The following NCALD variants were observed in gnomAD, a reference collection of about 807,000 sequenced individuals.
NCALD encodes the protein neurocalcin-delta.
Under a neutral mutation model 18.6 loss-of-function variants are expected in NCALD, and 10 were observed. The observed-to-expected ratio is 0.54, with a 90% CI of 0.33 to 0.91. The LOEUF is 0.91. NCALD is among the 40% of genes least tolerant of loss of function. The probability of loss-of-function intolerance (pLI) is 0.03; values close to 1 mark genes in which losing one functional copy is unlikely to be tolerated. For missense variants in NCALD, 184 were observed against 247.6 expected (o/e 0.74, Z 1.72); for synonymous variants, 88 against 87.4 (o/e 1.01, Z -0.04).
intron 2 of NCALD, among the ~76,000 whole-genome samples, chr8:101,965,103 G>A (rs1234342643): frequency 6.6e-6 from 1 of 152,132 alleles, no homozygotes; most frequent in Non-Finnish European, 1.5e-5. Flanking sequence ...TCATTAAAAA[G>A]TCAATAAACA....
chr8:102,018,252 C>T (rs1453741507), intron 2 of NCALD, among the ~76,000 whole-genome samples: 1 of 152,048 alleles, frequency 6.6e-6, no homozygotes, highest in Admixed American at 6.6e-5. Flanking sequence ...GTAATTTACC[C>T]AAGAGAAAGG....
chr8:102,038,542 T>C (rs1010897803), intron 1 of NCALD, among the ~76,000 whole-genome samples: 9 of 152,266 alleles, frequency 5.9e-5, no homozygotes, highest in Admixed American at 4.6e-4. Flanking sequence ...ATTATTCCCA[T>C]AGCAGCAAAG....
intron 1 of NCALD, among the ~76,000 whole-genome samples, chr8:102,120,875 C>T (rs75223265): frequency 0.11 from 17,041 of 152,184 alleles, 1,146 homozygotes; most frequent in Non-Finnish European, 0.14. Context: ...AAAGTTCCTG[C>T]CTTCTAGGGA....
intron 4 of NCALD, among the ~76,000 whole-genome samples, chr8:101,868,740 G>A (rs1444191342): frequency 1.3e-5 from 2 of 152,172 alleles, no homozygotes; most frequent in Non-Finnish European, 2.9e-5. Flanking sequence ...TGGGGTATAT[G>A]CCAAGAGCTC....
At chr8:101,782,433 CAG>C (rs1437493196) in intron 1 of NCALD, among the ~76,000 whole-genome samples, 1 of 152,114 alleles carries the variant, frequency 6.6e-6, no homozygotes, top group African/African-American at 2.4e-5. Flanking sequence ...TGTAAAGAAA[CAG>C]AGTCACTAAA....
At chr8:101,872,272 T>C in intron 4 of NCALD, 1 of 1,392,208 alleles carries the variant, frequency 7.2e-7, no homozygotes, top group South Asian at 1.2e-5. Context: ...CTCCAAAACT[T>C]CTCCAAATTT....
intron 2 of NCALD, among the ~76,000 whole-genome samples, chr8:102,016,167 T>C (rs975095284): frequency 6.6e-6 from 1 of 152,068 alleles, no homozygotes; most frequent in Non-Finnish European, 1.5e-5. Flanking sequence ...GACAAGAAAC[T>C]TGCAGGTCCA....
At chr8:102,034,587 T>C (rs896166911) in intron 1 of NCALD, among the ~76,000 whole-genome samples, 3 of 152,172 alleles carry the variant, frequency 2.0e-5, no homozygotes, top group Non-Finnish European at 4.4e-5. Context: ...AACTCACCAA[T>C]TGGCTTCTTA....
chr8:101,945,856 GTGTGCCAGT>G (rs1819148594), intron 2 of NCALD, among the ~76,000 whole-genome samples: 3 of 152,136 alleles, frequency 2.0e-5, no homozygotes, highest in Admixed American at 1.3e-4. Context: ...AGGCTAAATG[GTGTGCCAGT>G]CACACCCTTT....
chr8:101,979,657 T>C (rs1485570510), intron 2 of NCALD, among the ~76,000 whole-genome samples: 2 of 152,234 alleles, frequency 1.3e-5, no homozygotes, highest in Non-Finnish European at 2.9e-5. Context: ...TACAATCTCT[T>C]CTTCTTCCTG....
chr8:101,958,719 C>G (rs1388029635), intron 2 of NCALD, among the ~76,000 whole-genome samples: 1 of 152,092 alleles, frequency 6.6e-6, no homozygotes, highest in Non-Finnish European at 1.5e-5. Flanking sequence ...CAAGGACACT[C>G]AGAAATAGGA....
intron 4 of NCALD, among the ~76,000 whole-genome samples, chr8:101,814,993 T>C (rs1186222488): frequency 6.6e-6 from 1 of 152,128 alleles, no homozygotes; most frequent in Non-Finnish European, 1.5e-5. Context: ...AAAGAGATAT[T>C]CCATGTTTAT....
chr8:101,924,621 T>C (rs565132986), intron 2 of NCALD, among the ~76,000 whole-genome samples: 2 of 152,314 alleles, frequency 1.3e-5, no homozygotes, highest in East Asian at 3.9e-4. Flanking sequence ...ACAACACAGC[T>C]GACCATTTAT....
chr8:102,073,046 A>AT (rs1824229063), intron 1 of NCALD, among the ~76,000 whole-genome samples: 1 of 152,220 alleles, frequency 6.6e-6, no homozygotes, highest in Non-Finnish European at 1.5e-5. Flanking sequence ...GTAGAAAGAT[A>AT]TTTTCCACAA....
chr8:101,937,942 G>A (rs1012206582), intron 2 of NCALD, among the ~76,000 whole-genome samples: 7 of 152,172 alleles, frequency 4.6e-5, no homozygotes, highest in South Asian at 2.1e-4. Flanking sequence ...TCCAAGTCAC[G>A]TACTAGCCCC....
chr8:101,788,028 C>T (rs1586506548), intron 1 of NCALD, among the ~76,000 whole-genome samples: 1 of 152,192 alleles, frequency 6.6e-6, no homozygotes, highest in East Asian at 1.9e-4. Context: ...GGACATAAGA[C>T]TGTTGTTAAT....
intron 2 of NCALD, among the ~76,000 whole-genome samples, chr8:101,931,407 T>C (rs2094483589): frequency 6.6e-6 from 1 of 152,166 alleles, no homozygotes; most frequent in Non-Finnish European, 1.5e-5. Flanking sequence ...AGATATACTG[T>C]GTATCTGATG....
At chr8:101,961,774 C>A (rs890915508) in intron 2 of NCALD, among the ~76,000 whole-genome samples, 2 of 152,084 alleles carry the variant, frequency 1.3e-5, no homozygotes, top group Non-Finnish European at 2.9e-5. Flanking sequence ...GACATTCTCG[C>A]CAACTCTACA....
chr8:101,797,382 A>C (rs1812677207), intron 4 of NCALD, among the ~76,000 whole-genome samples: 1 of 152,240 alleles, frequency 6.6e-6, no homozygotes, highest in Non-Finnish European at 1.5e-5. Context: ...AGATAAAAAC[A>C]CCACATTAAC....
Sources: allele counts gnomAD v4.1 joint callset (sites outside exome capture counted in the v4.1 genomes callset), GRCh38; gene constraint gnomAD v4.1.1; transcripts MANE v1.5; gene names NCBI Gene and HGNC (gene_info 2026-07-23, HGNC 2026-07-21).